The following MAMDC2 variants were observed in gnomAD, a reference collection of about 807,000 sequenced individuals.
MAMDC2 encodes MAM domain-containing protein 2.
In MAMDC2, 57 loss-of-function variants were observed where a neutral mutation model predicts 89.8. The ratio of observed to expected loss-of-function variants is 0.63; its 90% confidence interval spans 0.51 to 0.79. The LOEUF (loss-of-function observed/expected upper bound fraction) is 0.79, where lower values mean the gene tolerates loss of function less well. MAMDC2 is among the 30% of genes least tolerant of loss of function. The pLI, the probability that MAMDC2 is intolerant of heterozygous loss-of-function variation, is 0.00. For missense variants in MAMDC2, 800 were observed against 820.6 expected, an observed-to-expected ratio of 0.97 and a Z score of 0.31; for synonymous variants, 313 against 293.4, an observed-to-expected ratio of 1.07 and a Z score of -0.68.
At position 70,043,907 on chromosome 9, in the gene MAMDC2, C is replaced by A; in HGVS notation, c.-291C>A. 1 of 554,470 alleles carries A rather than the reference C, an allele frequency of 1.8e-6. No individual in the cohort carries two copies. The highest frequency in any genetic ancestry group is 2.2e-5 in the South Asian group (1 of 45,552). 34.3% of individuals were successfully genotyped at this position (554,470 alleles called of 1,614,324 possible). A position where few individuals can be genotyped will look rare whatever the true frequency, so the allele number is the denominator to read the frequency against. The stretch of plus-strand genomic sequence containing the variant: ...TTCAAAGTGTGCAGTTGTCTCCTCC[C>A]TGTCCAGCCCCATCGTCGCCCAGGA... On this transcript the variant is annotated 5_prime_UTR_variant, in exon 1 of 14. In the 5' UTR this introduces an upstream ATG that the reference lacks. Transcript: ENST00000377182.
In MAMDC2 at chr9:70,065,391, T is replaced by G. The variant is rs1218833382; in HGVS notation, c.148+20694T>G. Among the ~76,000 whole-genome samples, 4 of 152,262 alleles carry G rather than the reference T, an allele frequency of 2.6e-5. No individual in the cohort carries two copies. The East Asian group carries it at 7.7e-4, about 29-fold the overall frequency. On this transcript the variant is annotated intron_variant, in intron 2 of 13. Coordinates refer to ENST00000377182, the MANE Select transcript of MAMDC2 (RefSeq NM_153267.5). ...AAGAGTTTTGATGACTACTAATCTA[T>G]CCATATGTAAATATTTGGGTAGTTT...
chr9:70,128,480 T>C (rs148742402), intron 6 of MAMDC2, among the ~76,000 whole-genome samples: 2,841 of 152,258 alleles, frequency 0.019, 57 homozygotes, highest in Non-Finnish European at 0.03. Flanking sequence ...ACCAGGTCCT[T>C]ATGGGACCAT....
chr9:70,046,845 C>A lies in MAMDC2; in HGVS notation c.148+2148C>A, dbSNP rs56184619. Among the ~76,000 whole-genome samples, 788 of 152,278 alleles carry A rather than the reference C, an allele frequency of 5.2e-3. 4 individuals carry two copies. Among genetic ancestry groups the A allele is most frequent in the African/African-American group, 0.018 (757 of 41,552 alleles). On this transcript the variant is annotated intron_variant, in intron 2 of 13. Transcript: ENST00000377182. ...TCTGAGCACTCCAGGGTGGAGCAGG[C>A]AGGTTAGGCTCCAGTTGTTCCAGCT...
intron 8 of MAMDC2, 124 bp downstream of exon 8, chr9:70,140,412 C>G: frequency 1.0e-6 from 1 of 998,720 alleles, no homozygotes; most frequent in Non-Finnish European, 1.5e-6. Flanking sequence ...GAAGCAAAGA[C>G]AATCAGTAGT....
At chr9:70,052,976 C>T (rs1344228882) in intron 2 of MAMDC2, among the ~76,000 whole-genome samples, 1 of 152,180 alleles carries the variant, frequency 6.6e-6, no homozygotes, top group African/African-American at 2.4e-5. Context: ...TCTGCCATCA[C>T]AAACAACCAC....
intron 12 of MAMDC2, among the ~76,000 whole-genome samples, 167 bp downstream of exon 12, chr9:70,218,763 A>G (rs984035563): frequency 6.6e-6 from 1 of 152,240 alleles, no homozygotes; most frequent in African/African-American, 2.4e-5. Flanking sequence ...GATTAAATCT[A>G]AGCAGTGACA....
At chr9:70,114,088 A>T (rs955293818) in intron 5 of MAMDC2, among the ~76,000 whole-genome samples, 2 of 150,834 alleles carry the variant, frequency 1.3e-5, no homozygotes, top group African/African-American at 4.9e-5. Context: ...CCATGTCTCC[A>T]ACTCTTTTTT....
chr9:70,211,538 T>A (rs2033353830), intron 11 of MAMDC2, among the ~76,000 whole-genome samples: 1 of 152,242 alleles, frequency 6.6e-6, no homozygotes, highest in South Asian at 2.1e-4. Context: ...TAATCTTTTT[T>A]CAAGGTTTTT....
At chr9:70,211,017 T>C (rs1175253565) in intron 11 of MAMDC2, among the ~76,000 whole-genome samples, 1 of 152,260 alleles carries the variant, frequency 6.6e-6, no homozygotes, top group Non-Finnish European at 1.5e-5. Context: ...TTTGATGGGC[T>C]TCCCTTTATG....
chr9:70,207,944 A>G (rs939516623), intron 11 of MAMDC2, among the ~76,000 whole-genome samples: 3 of 151,968 alleles, frequency 2.0e-5, no homozygotes, highest in Non-Finnish European at 4.4e-5. Flanking sequence ...ATGGTTGTAG[A>G]TGTGTGGTAT....
intron 4 of MAMDC2, among the ~76,000 whole-genome samples, chr9:70,110,590 T>C (rs1025664994): frequency 6.6e-6 from 1 of 151,676 alleles, no homozygotes; most frequent in Non-Finnish European, 1.5e-5. Context: ...CTGAGTAGGG[T>C]GTTTGAAGTG....
At chr9:70,123,589 T>G (rs2030388006) in intron 5 of MAMDC2, among the ~76,000 whole-genome samples, 1 of 152,182 alleles carries the variant, frequency 6.6e-6, no homozygotes, top group Non-Finnish European at 1.5e-5. Flanking sequence ...ATTCAAATGT[T>G]GAAGTCCTAA....
chr9:70,061,011 G>C (rs1409554833), intron 2 of MAMDC2, among the ~76,000 whole-genome samples: 1 of 152,182 alleles, frequency 6.6e-6, no homozygotes, highest in Admixed American at 6.5e-5. Flanking sequence ...GCCAATGAAT[G>C]GATGTGAGTG....
intron 11 of MAMDC2, among the ~76,000 whole-genome samples, chr9:70,183,234 C>G (rs993668794): frequency 6.6e-6 from 1 of 152,108 alleles, no homozygotes; most frequent in Non-Finnish European, 1.5e-5. Flanking sequence ...GATTTCTGTT[C>G]TTTTGCATTT....
In MAMDC2 at chr9:70,084,532, C is replaced by T. The variant is rs993724844; in HGVS notation, c.149-23679C>T. On this transcript the variant is annotated intron_variant, in intron 2 of 13. Coordinates refer to ENST00000377182, the MANE Select transcript of MAMDC2 (RefSeq NM_153267.5). ...TAGGTATCCCCAGTGGTTCTTTTTT[C>T]TCACCTCACCCCCTGCCTAACCTTT... Among the ~76,000 whole-genome samples, 3 of 151,906 alleles carry T rather than the reference C, an allele frequency of 2.0e-5. No homozygotes were observed. The South Asian group carries it at 6.2e-4, about 31-fold the overall frequency.
intron 2 of MAMDC2, chr9:70,087,451 A>C (rs1827795074): frequency 1.3e-5 from 2 of 152,240 alleles, no homozygotes; most frequent in Admixed American, 6.5e-5. Context: ...GAAGCATCCA[A>C]CATTCTTATA....
At position 70,126,159 on chromosome 9, in the gene MAMDC2, G is replaced by A; in HGVS notation, c.644G>A (p.Gly215Asp). ...TGTGCTCTGTCTGTGTGATTTTCAG[G>A]CCACTACATGTACGTGGACTCAGTT... ...PQDHTFKSEL[G>D]HYMYVDSVYV... The change falls in exon 6 of 14, where the codon GGC (glycine) becomes GAC (aspartate). Residue 215 changes from glycine (G) to aspartate (D), a missense_variant and splice_region_variant. By Grantham distance (94) the Gly-to-Asp change is moderately conservative (BLOSUM62 -1). Transcript: ENST00000377182. 1 of 1,609,372 alleles carries A rather than the reference G, an allele frequency of 6.2e-7. No homozygotes were observed. The highest frequency in any genetic ancestry group is 2.2e-5 in the East Asian group (1 of 44,742).
chr9:70,149,606 G>C (rs950321934), intron 9 of MAMDC2, among the ~76,000 whole-genome samples: 3 of 152,166 alleles, frequency 2.0e-5, no homozygotes, highest in African/African-American at 4.8e-5. Context: ...GCCGAGTGCT[G>C]TCCACTGGCT....
chr9:70,084,372 C>T (rs1827720179), intron 2 of MAMDC2, among the ~76,000 whole-genome samples: 1 of 152,110 alleles, frequency 6.6e-6, no homozygotes, highest in African/African-American at 2.4e-5. Flanking sequence ...GTTTTGTTTA[C>T]AGCTCTATCT....
Sources: gnomAD v4.1 joint callset for allele counts (sites outside exome capture counted in the v4.1 genomes callset) on GRCh38, gnomAD v4.1.1 for gene constraint, MANE v1.5 for transcripts, NCBI Gene and HGNC (gene_info 2026-07-23, HGNC 2026-07-21) for gene names.